The following ABLIM3 variants were observed in gnomAD, a reference collection of about 807,000 sequenced individuals.
ABLIM3 encodes the protein actin binding LIM protein family member 3.
ABLIM3 carries 61 observed loss-of-function variants against 109.5 expected under a neutral mutation model. The observed-to-expected ratio is 0.56, with a 90% CI of 0.45 to 0.69. The LOEUF is 0.69. Among genes scored for constraint, ABLIM3 ranks in the 30% least tolerant of loss-of-function variants. ABLIM3 has a pLI of 0.00. For synonymous variants in ABLIM3, 300 were observed against 324.8 expected (o/e 0.92, Z 0.82); for missense variants, 796 against 889.5 (o/e 0.89, Z 1.34).
intron 8 of ABLIM3, among the ~76,000 whole-genome samples, chr5:149,221,625 G>A (rs1760660725): frequency 6.6e-6 from 1 of 152,190 alleles, no homozygotes; most frequent in African/African-American, 2.4e-5. Context: ...TTGTAAAGAT[G>A]CCAAATATCT....
intron 3 of ABLIM3, among the ~76,000 whole-genome samples, chr5:149,192,842 A>G (rs1404626289): frequency 6.9e-6 from 1 of 145,240 alleles, no homozygotes; most frequent in Admixed American, 6.7e-5. Context: ...AAATAATCAG[A>G]CCTGAATTTC....
At position 149,229,785 on chromosome 5, in the gene ABLIM3, A is replaced by G. The variant is rs74931978; in HGVS notation, c.758-864A>G. On this transcript the variant is annotated intron_variant, in intron 8 of 23. Coordinates refer to ENST00000309868, the MANE Select transcript of ABLIM3 (RefSeq NM_014945.5). ...CTGTCCCTTCTTTGGGGAATGTGTC[A>G]TATTTGGGGCTGCTTCTCAACATGT... Among the ~76,000 whole-genome samples the G allele has an allele frequency of 5.7e-3, 866 of 152,302 alleles. 11 individuals carry two copies. The highest frequency in any genetic ancestry group is 0.019 in the African/African-American group (771 of 41,552).
intron 2 of ABLIM3, among the ~76,000 whole-genome samples, chr5:149,170,148 G>GTTTGTATAT (rs1755247581): frequency 1.3e-5 from 2 of 150,968 alleles, no homozygotes; most frequent in East Asian, 3.9e-4. Flanking sequence ...TACTATATTG[G>GTTTGTATAT]TTTGTATATT....
intron 8 of ABLIM3, chr5:149,219,103 C>T (rs1393391316): frequency 6.6e-6 from 1 of 152,350 alleles, no homozygotes; most frequent in African/African-American, 2.4e-5. Flanking sequence ...CAATGAGTCC[C>T]CCTGTGCCTA....
At chr5:149,156,191 T>A (rs190333386) in intron 2 of ABLIM3, among the ~76,000 whole-genome samples, 50 of 152,376 alleles carry the variant, frequency 3.3e-4, no homozygotes, top group African/African-American at 1.2e-3. Context: ...ACTAGGTTAT[T>A]GACCAAACTG....
Position 149,216,951 on chromosome 5 carries a change from T to C in ABLIM3, c.670-8T>C, listed in dbSNP as rs769298200. ...CTGACCTCCTGTTTCATCTTTTCAT[T>C]TCCATAGGCAGGAGGGAAGCACTAC... On this transcript the variant is annotated splice_region_variant and splice_polypyrimidine_tract_variant and intron_variant, in intron 7 of 23. Transcript: ENST00000309868. 2 of 1,613,826 alleles carry C rather than the reference T, an allele frequency of 1.2e-6. No homozygotes were observed. The highest frequency in any genetic ancestry group is 2.2e-5 in the South Asian group (2 of 91,080).
At chr5:149,227,738 C>T (rs1287324942) in intron 8 of ABLIM3, among the ~76,000 whole-genome samples, 1 of 152,206 alleles carries the variant, frequency 6.6e-6, no homozygotes, top group Non-Finnish European at 1.5e-5. Flanking sequence ...TTTGTAGACT[C>T]AGTCTGGAGT....
intron 16 of ABLIM3, among the ~76,000 whole-genome samples, chr5:149,245,898 C>T (rs548066414): frequency 1.3e-4 from 20 of 152,332 alleles, no homozygotes; most frequent in African/African-American, 4.8e-4. Flanking sequence ...CACAGTGGCT[C>T]ACGCCCGTAA....
At chr5:149,248,114 G>A (rs376743914) in intron 18 of ABLIM3, among the ~76,000 whole-genome samples, 185 bp downstream of exon 18, 1 of 152,184 alleles carries the variant, frequency 6.6e-6, no homozygotes, top group African/African-American at 2.4e-5. Context: ...CAGTAATGGA[G>A]CTTACTTCAT....
intron 7 of ABLIM3, among the ~76,000 whole-genome samples, chr5:149,215,518 C>G (rs1229597540): frequency 1.3e-5 from 1 of 75,262 alleles, no homozygotes; most frequent in African/African-American, 6.5e-5. Flanking sequence ...CCACTCCCCC[C>G]ACATAAAAAA....
chr5:149,158,034 T>C (rs538240942), intron 2 of ABLIM3, among the ~76,000 whole-genome samples: 9 of 152,342 alleles, frequency 5.9e-5, no homozygotes, highest in African/African-American at 2.2e-4. Context: ...TAAATATTCT[T>C]CCACCCTGCT....
chr5:149,188,176 G>T (rs1273307905), intron 3 of ABLIM3, among the ~76,000 whole-genome samples: 1 of 152,010 alleles, frequency 6.6e-6, no homozygotes, highest in African/African-American at 2.4e-5. Flanking sequence ...GGTTAATTAA[G>T]GAAGAAAATG....
rs995692340 is a variant in ABLIM3 at position 149,252,295 on chromosome 5, A to C, written c.1857+87A>C. 7 of 1,483,322 alleles carry C rather than the reference A, an allele frequency of 4.7e-6. No homozygotes were observed. In the African/African-American group the frequency reaches 9.8e-5, roughly 21 times the overall value. 91.9% of individuals were successfully genotyped at this position (1,483,322 alleles called of 1,614,324 possible). The stretch of plus-strand genomic sequence containing the variant: ...CACCAGGAGGATGACAGCACTGTCT[A>C]TGTAGGGAAGGGAACATAGATAAAT... On this transcript the variant is annotated intron_variant, in intron 22 of 23. Coordinates refer to ENST00000309868, the MANE Select transcript of ABLIM3 (RefSeq NM_014945.5).
chr5:149,256,928 T>C (rs573430247), intron 23 of ABLIM3, among the ~76,000 whole-genome samples: 1 of 152,364 alleles, frequency 6.6e-6, no homozygotes, highest in South Asian at 2.1e-4. Flanking sequence ...TGGACTTCGG[T>C]CCCAGCTCTA....
intron 14 of ABLIM3, among the ~76,000 whole-genome samples, chr5:149,241,575 A>G (rs904596434): frequency 1.3e-5 from 2 of 152,202 alleles, no homozygotes; most frequent in African/African-American, 4.8e-5. Flanking sequence ...CCTGTCCAAC[A>G]TGGTGAAACG....
At chr5:149,248,894 A>ACACACACACT (rs1753668251) in intron 18 of ABLIM3, among the ~76,000 whole-genome samples, 1 of 137,066 alleles carries the variant, frequency 7.3e-6, no homozygotes, top group South Asian at 2.3e-4. Flanking sequence ...ACACACACAC[A>ACACACACACT]CACACTCTGT....
chr5:149,245,127 A>T, intron 16 of ABLIM3, 112 bp downstream of exon 16: 1 of 1,413,540 alleles, frequency 7.1e-7, no homozygotes, highest in South Asian at 1.3e-5. Context: ...AAGAGTGCTT[A>T]GAGGGTTTAT....
intron 2 of ABLIM3, among the ~76,000 whole-genome samples, chr5:149,168,827 T>C (rs190917820): frequency 6.6e-6 from 1 of 152,350 alleles, no homozygotes; most frequent in Admixed American, 6.5e-5. Flanking sequence ...CTGAAGACTG[T>C]GTGAAGATCT....
At chr5:149,248,584 G>A (rs536356726) in intron 18 of ABLIM3, among the ~76,000 whole-genome samples, 3 of 151,478 alleles carry the variant, frequency 2.0e-5, no homozygotes, top group East Asian at 1.9e-4. Context: ...CCAACTACTC[G>A]GGAGGCTGAG....
Sources: gnomAD v4.1 joint callset for allele counts (sites outside exome capture counted in the v4.1 genomes callset) on GRCh38, gnomAD v4.1.1 for gene constraint, MANE v1.5 for transcripts, NCBI Gene and HGNC (gene_info 2026-07-23, HGNC 2026-07-21) for gene names.